DOCK10: variants seen among roughly 807,000 people sequenced by gnomAD.
The protein encoded by DOCK10 is dedicator of cytokinesis 10.
In DOCK10, 145 loss-of-function variants were observed where a neutral mutation model predicts 280.1. The ratio of observed to expected loss-of-function variants is 0.52; its 90% confidence interval spans 0.45 to 0.59. DOCK10 has a LOEUF of 0.59. DOCK10 is among the 20% of genes least tolerant of loss of function. DOCK10 has a pLI of 0.00. For synonymous variants in DOCK10, 915 were observed against 942.2 expected, an observed-to-expected ratio of 0.97 and a Z score of 0.53; for missense variants, 2,368 against 2,651.7, an observed-to-expected ratio of 0.89 and a Z score of 2.35.
chr2:224,779,817 A>T (rs776162865), intron 50 of DOCK10, among the ~76,000 whole-genome samples: 11 of 152,174 alleles, frequency 7.2e-5, no homozygotes, highest in Non-Finnish European at 1.5e-4. Context: ...ACCTTTGCAG[A>T]AGCCAATGAA....
chr2:224,798,430 G>C (rs187112821), intron 41 of DOCK10, among the ~76,000 whole-genome samples: 1 of 152,108 alleles, frequency 6.6e-6, no homozygotes, highest in African/African-American at 2.4e-5. Context: ...AAATGGGAGA[G>C]AGGTCACAGG....
chr2:224,960,884 C>T (rs899948091), intron 1 of DOCK10, among the ~76,000 whole-genome samples: 45 of 151,854 alleles, frequency 3.0e-4, no homozygotes, highest in Non-Finnish European at 5.7e-4. Flanking sequence ...GGACTACAGG[C>T]GCGCGCCACC....
chr2:224,775,577 G>A (rs565075173), intron 51 of DOCK10, among the ~76,000 whole-genome samples: 3 of 152,278 alleles, frequency 2.0e-5, no homozygotes, highest in African/African-American at 7.2e-5. Flanking sequence ...CTGGGTTCAA[G>A]TGATTTTCCT....
intron 1 of DOCK10, among the ~76,000 whole-genome samples, chr2:224,988,430 C>G (rs925006397): frequency 2.0e-5 from 3 of 152,174 alleles, no homozygotes; most frequent in Non-Finnish European, 4.4e-5. Context: ...TCGCCATGTG[C>G]CAGGCACAGT....
chr2:224,834,787 A>G (rs1695489001), intron 25 of DOCK10, among the ~76,000 whole-genome samples: 1 of 152,210 alleles, frequency 6.6e-6, no homozygotes, highest in Non-Finnish European at 1.5e-5. Context: ...AATGCTGCAT[A>G]CTTATTTTTT....
rs1237625372 is a variant in DOCK10 at position 224,886,009 on chromosome 2, AG to A, written c.612+53del. ...CTCTCTTCTGTGCTGTGACCAGAGG[AG>A]GGAGTGTTAAGAAGGGTGACAGAGA... On this transcript the variant is annotated intron_variant, in intron 6 of 55. Coordinates refer to ENST00000258390, the MANE Select transcript of DOCK10 (RefSeq NM_014689.3). 1.9e-6 allele frequency: 3 copies of A among 1,609,564 alleles called. No individual in the cohort carries two copies. The East Asian group carries it at 6.7e-5, about 36-fold the overall frequency.
chr2:224,887,366 G>T (rs1049412206), intron 4 of DOCK10, among the ~76,000 whole-genome samples: 1 of 151,978 alleles, frequency 6.6e-6, no homozygotes, highest in Admixed American at 6.6e-5. Flanking sequence ...TGCACCAAAG[G>T]GACTGGTAGC....
intron 21 of DOCK10, 45 bp from the exon 22 acceptor site, chr2:224,844,884 A>G (rs1162144544): frequency 2.3e-6 from 3 of 1,297,896 alleles, no homozygotes; most frequent in South Asian, 1.3e-5. Flanking sequence ...AATTCGAGAG[A>G]AAGAAAATAA....
chr2:224,811,272 A>G (rs1445553684), intron 31 of DOCK10, among the ~76,000 whole-genome samples: 1 of 152,212 alleles, frequency 6.6e-6, no homozygotes, highest in East Asian at 1.9e-4. Context: ...TTTTGGCTGC[A>G]TAAATGTCTT....
chr2:225,018,387 G>A (rs1444552497), intron 1 of DOCK10, among the ~76,000 whole-genome samples: 1 of 150,892 alleles, frequency 6.6e-6, no homozygotes, highest in Non-Finnish European at 1.5e-5. Flanking sequence ...CCTAACTATT[G>A]CTCTCTTCCT....
chr2:224,901,460 T>C (rs1241598703), intron 3 of DOCK10, among the ~76,000 whole-genome samples: 1 of 152,224 alleles, frequency 6.6e-6, no homozygotes, highest in Non-Finnish European at 1.5e-5. Flanking sequence ...TCCTGGCTCA[T>C]CTTTTTTCAT....
At position 224,986,038 on chromosome 2, in the gene DOCK10, T is replaced by C. The variant is rs144913476; in HGVS notation, c.124-54370A>G. ...CTACGTCTGTTTTGACCGTGTCAAA[T>C]TGGACTGTGCTTTGGCATGATGGAG... On this transcript the variant is annotated intron_variant, in intron 1 of 55. Coordinates refer to ENST00000258390, the MANE Select transcript of DOCK10 (RefSeq NM_014689.3). Among the ~76,000 whole-genome samples the C allele has an allele frequency of 4.7e-3, 713 of 152,320 alleles. 10 individuals carry two copies. Among genetic ancestry groups the C allele is most frequent in the African/African-American group, 0.016 (665 of 41,570 alleles).
chr2:224,794,857 T>C lies in DOCK10; in HGVS notation c.5154+22A>G, dbSNP rs778329116. The C allele has an allele frequency of 8.1e-6, 13 of 1,611,362 alleles. No homozygotes were observed. In the South Asian group the frequency reaches 1.4e-4, roughly 18 times the overall value. On this transcript the variant is annotated intron_variant, in intron 45 of 55. Coordinates refer to ENST00000258390, the MANE Select transcript of DOCK10 (RefSeq NM_014689.3). Reference sequence around the variant, plus strand: ...TAAAGAGGACAATACTGATGGTAAATGACCAAGCCTTGGCTAATCACCTCA... The same window carrying C: ...TAAAGAGGACAATACTGATGGTAAACGACCAAGCCTTGGCTAATCACCTCA...
chr2:224,974,286 C>G (rs187396232), intron 1 of DOCK10, among the ~76,000 whole-genome samples: 5 of 152,246 alleles, frequency 3.3e-5, no homozygotes, highest in African/African-American at 1.2e-4. Context: ...TGGGCATGGT[C>G]TTAAAAACTA....
intron 7 of DOCK10, 69 bp downstream of exon 7, chr2:224,885,602 A>C: frequency 6.8e-7 from 1 of 1,461,666 alleles, no homozygotes; most frequent in Non-Finnish European, 9.1e-7. Context: ...CAGATACTCC[A>C]TGAATATTTG....
At chr2:224,859,438 G>A (rs184755424) in intron 14 of DOCK10, among the ~76,000 whole-genome samples, 24 of 152,258 alleles carry the variant, frequency 1.6e-4, no homozygotes, top group Admixed American at 1.1e-3. Flanking sequence ...CCGAGTCAAT[G>A]AGTATAAAAT....
chr2:224,800,056 A>G, intron 41 of DOCK10, 95 bp downstream of exon 41: 1 of 670,588 alleles, frequency 1.5e-6, no homozygotes, highest in Non-Finnish European at 2.5e-6. Flanking sequence ...AATTGATTTC[A>G]TAAATAATTA....
intron 47 of DOCK10, among the ~76,000 whole-genome samples, chr2:224,789,442 G>A (rs1161720023): frequency 3.3e-5 from 5 of 152,056 alleles, no homozygotes; most frequent in South Asian, 4.2e-4. Flanking sequence ...TAGATGTTGC[G>A]GTTCCAATCT....
At position 224,834,283 on chromosome 2, in the gene DOCK10, TG is replaced by T. The variant is rs770230058; in HGVS notation, c.2851-21del. 5.2e-6 allele frequency: 7 copies of T among 1,344,436 alleles called. No homozygotes were observed. The East Asian group carries it at 1.6e-4, about 31-fold the overall frequency. The allele number at this position is 1,344,436 out of a possible 1,614,324, so 83.3% of individuals were successfully genotyped here. ...CACGAACTGAAGAAAATCCAAAAAG[TG>T]AATAAAGTTAAATACTTTGAAAAAT... On this transcript the variant is annotated intron_variant, in intron 25 of 55. Transcript: ENST00000258390.
Sources: gnomAD v4.1 joint callset for allele counts (sites outside exome capture counted in the v4.1 genomes callset) on GRCh38, gnomAD v4.1.1 for gene constraint, MANE v1.5 for transcripts, NCBI Gene and HGNC (gene_info 2026-07-23, HGNC 2026-07-21) for gene names.